The following VAV1 variants were observed in gnomAD, a reference collection of about 807,000 sequenced individuals.
The protein encoded by VAV1 is vav guanine nucleotide exchange factor 1, also known as proto-oncogene vav.
Under a neutral mutation model 128.1 loss-of-function variants are expected in VAV1, and 33 were observed. That is an observed-to-expected ratio of 0.26 (90% CI 0.20 to 0.34). The LOEUF is 0.34. Among genes scored for constraint, VAV1 ranks in the 10% least tolerant of loss-of-function variants. VAV1 has a pLI of 1.00. For missense variants in VAV1, 715 were observed against 1,093.7 expected (o/e 0.65, Z 4.88); for synonymous variants, 394 against 409.8 (o/e 0.96, Z 0.47).
At chr19:6,829,021 C>A in intron 13 of VAV1, 121 bp downstream of exon 13, 2 of 1,179,554 alleles carry the variant, frequency 1.7e-6, no homozygotes, top group Non-Finnish European at 2.4e-6. Flanking sequence ...GGGGCGGGGC[C>A]GGGCTTCTAG....
At chr19:6,851,005 A>G (rs1479157262) in intron 24 of VAV1, among the ~76,000 whole-genome samples, 2 of 152,184 alleles carry the variant, frequency 1.3e-5, no homozygotes, top group African/African-American at 4.8e-5. Context: ...TTATACATAT[A>G]TTCAAGCATT....
intron 1 of VAV1, among the ~76,000 whole-genome samples, chr19:6,780,560 T>G (rs1970746967): frequency 6.8e-6 from 1 of 147,200 alleles, no homozygotes; most frequent in Non-Finnish European, 1.5e-5. Context: ...CCTTCTCCTT[T>G]TCTTTCTTTT....
intron 26 of VAV1, 68 bp downstream of exon 26, chr19:6,854,166 C>A: frequency 6.4e-7 from 1 of 1,573,874 alleles, no homozygotes; most frequent in Non-Finnish European, 8.6e-7. Flanking sequence ...GAGACTGGAA[C>A]TGGGGACTGG....
At chr19:6,812,742 T>C (rs974662680) in intron 1 of VAV1, among the ~76,000 whole-genome samples, 2 of 152,094 alleles carry the variant, frequency 1.3e-5, no homozygotes, top group African/African-American at 4.8e-5. Context: ...AAGATGATGA[T>C]GGTGGTGATG....
intron 14 of VAV1, 112 bp from the exon 15 acceptor site, chr19:6,831,979 C>A: frequency 2.6e-6 from 2 of 770,082 alleles, no homozygotes; most frequent in Non-Finnish European, 4.2e-6. Flanking sequence ...GTGCTAGGGG[C>A]ATAGAGACTG....
At position 6,828,660 on chromosome 19, in the gene VAV1, C is replaced by T. The variant is rs61750002; in HGVS notation, c.1131C>T (p.Asn377=). ...AQCVNEVKRD[N]ETLRQITNFQ... ...GCGTGAACGAGGTCAAGCGAGACAA[C>T]GAGACACTGCGACAGATCACCAATT... is the stretch of plus-strand genomic sequence containing the variant. Residue 377 remains asparagine, a synonymous_variant, in exon 12 of 27, where the codon AAC becomes AAT. Coordinates refer to ENST00000602142, the MANE Select transcript of VAV1 (RefSeq NM_005428.4). The surrounding 1 kb of genome is among the most constrained non-coding windows in gnomAD (Gnocchi z 4.5). 2 of 1,614,166 alleles carry T rather than the reference C, an allele frequency of 1.2e-6. No individual in the cohort carries two copies. The highest frequency in any genetic ancestry group is 1.7e-5 in the Admixed American group (1 of 60,022).
At chr19:6,811,965 C>T (rs188228712) in intron 1 of VAV1, among the ~76,000 whole-genome samples, 6 of 152,218 alleles carry the variant, frequency 3.9e-5, no homozygotes, top group African/African-American at 1.4e-4. Flanking sequence ...AGAGTCTCAG[C>T]CTGCAGAAAA....
intron 1 of VAV1, among the ~76,000 whole-genome samples, chr19:6,818,025 C>A (rs569772534): frequency 6.6e-6 from 1 of 152,032 alleles, no homozygotes; most frequent in Non-Finnish European, 1.5e-5. Flanking sequence ...CATTATGTGG[C>A]CCCAGGCTGA....
chr19:6,789,734 T>C (rs1044619063), intron 1 of VAV1, among the ~76,000 whole-genome samples: 1 of 152,098 alleles, frequency 6.6e-6, no homozygotes, highest in Admixed American at 6.5e-5. Flanking sequence ...AGTGGCTGGG[T>C]TTATAGGCAT....
chr19:6,784,527 T>A (rs1970842972), intron 1 of VAV1, among the ~76,000 whole-genome samples: 1 of 146,460 alleles, frequency 6.8e-6, no homozygotes, highest in African/African-American at 2.5e-5. Flanking sequence ...AGAGTTTCAC[T>A]CTCTCTCCCA....
rs761088741 is a variant in VAV1 at position 6,853,060 on chromosome 19, A to T, written c.2313A>T (p.Arg771Ser). 6.2e-7 allele frequency: 1 copy of T among 1,611,180 alleles called. No individual in the cohort carries two copies. Among genetic ancestry groups the T allele is most frequent in the South Asian group, 1.1e-5 (1 of 91,054 alleles). ...TCCCCTTCAAGGAGCCTGAAAAGAG[A>T]ACCATCAGCAGGCCAGCAGGTAGGA... ...LQFPFKEPEK[R>S]TISRPAVGST... Residue 771 changes from arginine to serine, a missense_variant, in exon 25 of 27, where the codon AGA becomes AGT. Transcript: ENST00000602142.
At chr19:6,795,840 C>T (rs139258568) in intron 1 of VAV1, among the ~76,000 whole-genome samples, 2,633 of 152,266 alleles carry the variant, frequency 0.017, 46 homozygotes, top group Non-Finnish European at 0.025. Context: ...CGTGCCACCG[C>T]GCCCAGCTAA....
chr19:6,814,682 T>TCTCTCTCTC (rs1971595417), intron 1 of VAV1, among the ~76,000 whole-genome samples: 2 of 111,518 alleles, frequency 1.8e-5, no homozygotes, highest in African/African-American at 8.8e-5. Flanking sequence ...CTTTCTTTCT[T>TCTCTCTCTC]TCTTTCTTTC....
chr19:6,789,013 G>A (rs1380602468), intron 1 of VAV1, among the ~76,000 whole-genome samples: 1 of 152,216 alleles, frequency 6.6e-6, no homozygotes, highest in Non-Finnish European at 1.5e-5. Context: ...TTAGCAGTAT[G>A]CTTGGACTCT....
intron 1 of VAV1, chr19:6,784,216 C>G: frequency 4.6e-6 from 3 of 653,234 alleles, no homozygotes; most frequent in Non-Finnish European, 8.4e-6. Flanking sequence ...ATTGTGCTAC[C>G]ACTGTACTCC....
At chr19:6,793,660 A>C (rs1478765198) in intron 1 of VAV1, among the ~76,000 whole-genome samples, 1 of 152,172 alleles carries the variant, frequency 6.6e-6, no homozygotes, top group South Asian at 2.1e-4. Flanking sequence ...GATAACATCA[A>C]GTTTGCTTTG....
At chr19:6,856,389 A>G (rs1244751025) in intron 26 of VAV1, among the ~76,000 whole-genome samples, 1 of 151,984 alleles carries the variant, frequency 6.6e-6, no homozygotes, top group Non-Finnish European at 1.5e-5. Flanking sequence ...ATGATACATA[A>G]TGAATCAGAC....
chr19:6,813,349 A>G (rs1008908344), intron 1 of VAV1, among the ~76,000 whole-genome samples: 114 of 152,240 alleles, frequency 7.5e-4, no homozygotes, highest in African/African-American at 2.6e-3. Context: ...ACCAAAATGG[A>G]GCTTCGATAT....
chr19:6,778,081 T>C (rs1325900741), intron 1 of VAV1, among the ~76,000 whole-genome samples: 2 of 152,102 alleles, frequency 1.3e-5, no homozygotes, highest in African/African-American at 4.8e-5. Context: ...GGGCTACAGA[T>C]GCGTGCCACC....
Sources: gnomAD v4.1 joint callset for allele counts (sites outside exome capture counted in the v4.1 genomes callset) on GRCh38, gnomAD v4.1.1 for gene constraint, Gnocchi (gnomAD v3.1) non-coding constraint, MANE v1.5 for transcripts, NCBI Gene and HGNC (gene_info 2026-07-23, HGNC 2026-07-21) for gene names.